Variants in NIM1K observed in about 807,000 individuals in gnomAD.
NIM1K encodes the protein serine/threonine-protein kinase NIM1.
In NIM1K, 35 loss-of-function variants were observed where a neutral mutation model predicts 37.1. The ratio of observed to expected loss-of-function variants is 0.94; its 90% CI spans 0.72 to 1.25. The LOEUF is 1.25. NIM1K is among the 50% of genes most tolerant of loss of function. The pLI, the probability that NIM1K is intolerant of heterozygous loss-of-function variation, is 0.00. For synonymous variants in NIM1K, 234 were observed against 206.6 expected, an observed-to-expected ratio of 1.13 and a Z score of -1.14; for missense variants, 564 against 548.0, an observed-to-expected ratio of 1.03 and a Z score of -0.29.
At chr5:43,266,616 G>A (rs1259702172) in intron 2 of NIM1K, among the ~76,000 whole-genome samples, 1 of 152,226 alleles carries the variant, frequency 6.6e-6, no homozygotes, top group African/African-American at 2.4e-5. Context: ...TTCGTGGGCT[G>A]CACCCACTGT....
intron 3 of NIM1K, 86 bp downstream of exon 3, chr5:43,277,411 C>A: frequency 7.1e-7 from 1 of 1,411,074 alleles, no homozygotes; most frequent in East Asian, 2.3e-5. Flanking sequence ...CCTCAAGTGT[C>A]CCAGAGGGCT....
chr5:43,233,248 G>A, intron 1 of NIM1K: 1 of 674,230 alleles, frequency 1.5e-6, no homozygotes, highest in South Asian at 2.0e-5. Context: ...GCGACTCTTA[G>A]GTGATTGATA....
At chr5:43,248,390 G>A in intron 2 of NIM1K, among the ~76,000 whole-genome samples, 1 of 152,114 alleles carries the variant, frequency 6.6e-6, no homozygotes, top group Non-Finnish European at 1.5e-5. Context: ...GCTTTTGGAA[G>A]GTTAACCATA....
At chr5:43,246,109 G>C in intron 2 of NIM1K, 42 bp downstream of exon 2, 1 of 1,552,574 alleles carries the variant, frequency 6.4e-7, no homozygotes, top group Non-Finnish European at 8.7e-7. Context: ...GCAGTATTGG[G>C]ACCTAGTGTA....
At chr5:43,275,951 AGAGCAGTG>A (rs1753333044) in intron 2 of NIM1K, among the ~76,000 whole-genome samples, 2 of 141,684 alleles carry the variant, frequency 1.4e-5, no homozygotes, top group Non-Finnish European at 3.0e-5. Flanking sequence ...CCTAGGCTGG[AGAGCAGTG>A]GTGCGATCTC....
chr5:43,236,783 G>A (rs557932764), intron 1 of NIM1K, among the ~76,000 whole-genome samples: 92 of 152,350 alleles, frequency 6.0e-4, no homozygotes, highest in Non-Finnish European at 1.0e-3. Flanking sequence ...GGTGTGAACT[G>A]GATGAGGGTA....
chr5:43,196,521 G>A (rs1751917530), intron 1 of NIM1K, among the ~76,000 whole-genome samples: 1 of 151,568 alleles, frequency 6.6e-6, no homozygotes, highest in South Asian at 2.1e-4. Context: ...TGTAGTCCCA[G>A]CTACTCGGGA....
intron 1 of NIM1K, among the ~76,000 whole-genome samples, chr5:43,234,444 C>A (rs1303865834): frequency 6.6e-6 from 1 of 152,054 alleles, no homozygotes; most frequent in African/African-American, 2.4e-5. Flanking sequence ...TCTCCATGTA[C>A]TCATCACCTA....
intron 2 of NIM1K, among the ~76,000 whole-genome samples, chr5:43,252,946 A>G (rs897002188): frequency 1.4e-5 from 2 of 144,082 alleles, no homozygotes; most frequent in East Asian, 2.0e-4. Flanking sequence ...TTATCTATTT[A>G]TCTATTAATT....
chr5:43,210,381 T>G (rs1193954191), intron 1 of NIM1K, among the ~76,000 whole-genome samples: 2 of 152,156 alleles, frequency 1.3e-5, no homozygotes, highest in African/African-American at 4.8e-5. Context: ...TCCATAAACA[T>G]ATATTGAGTA....
chr5:43,266,288 T>C (rs1186281847), intron 2 of NIM1K, among the ~76,000 whole-genome samples: 1 of 152,226 alleles, frequency 6.6e-6, no homozygotes, highest in Non-Finnish European at 1.5e-5. Context: ...GCTTCCCAGC[T>C]GCTTTGTTTA....
chr5:43,259,524 G>A (rs1752996556), intron 2 of NIM1K, among the ~76,000 whole-genome samples: 1 of 152,112 alleles, frequency 6.6e-6, no homozygotes, highest in Admixed American at 6.6e-5. Context: ...GGATTTTTGT[G>A]ATGATTAGTG....
intron 1 of NIM1K, among the ~76,000 whole-genome samples, chr5:43,233,395 A>G (rs1752571263): frequency 6.6e-6 from 1 of 152,148 alleles, no homozygotes; most frequent in Non-Finnish European, 1.5e-5. Context: ...TAAATATTTA[A>G]AAATTATCAG....
intron 1 of NIM1K, among the ~76,000 whole-genome samples, chr5:43,227,540 T>C (rs934628267): frequency 6.6e-6 from 1 of 152,152 alleles, no homozygotes; most frequent in Admixed American, 6.6e-5. Flanking sequence ...TGTTTCCCAC[T>C]CCTTTGCTAC....
intron 2 of NIM1K, among the ~76,000 whole-genome samples, chr5:43,265,734 G>C (rs1158878756): frequency 6.6e-6 from 1 of 152,156 alleles, no homozygotes; most frequent in Non-Finnish European, 1.5e-5. Context: ...TTTCTGCTCT[G>C]GTTTCTCCCC....
chr5:43,233,307 A>C, intron 1 of NIM1K: 1 of 314,586 alleles, frequency 3.2e-6, no homozygotes, highest in Non-Finnish European at 5.2e-6. Context: ...GGCAAGAGTG[A>C]CACTTAAAAA....
rs1281355308 is a variant in NIM1K at position 43,198,207 on chromosome 5, C to CTTTCTTTCTTTCTCTT, written c.-695+5797_-695+5798insTTCTTTCTTTCTCTTT. Among the ~76,000 whole-genome samples the CTTTCTTTCTTTCTCTT allele has an allele frequency of 7.8e-4, 38 of 48,854 alleles. 1 individual carries two copies. Among genetic ancestry groups the CTTTCTTTCTTTCTCTT allele is most frequent in the Non-Finnish European group, 1.1e-3 (26 of 24,518 alleles). 32.1% of individuals were successfully genotyped at this position (48,854 alleles called of 152,430 possible). The stretch of plus-strand genomic sequence containing the variant: ...TCTTTCTTTCTTTCTTTCTTTCTTT[C>CTTTCTTTCTTTCTCTT]TCTTTCTTTCTTTCTTTCTTTCTTT... On this transcript the variant is annotated intron_variant, in intron 1 of 3. Transcript: ENST00000326035.
chr5:43,218,731 T>C (rs1422702377), intron 1 of NIM1K, among the ~76,000 whole-genome samples: 1 of 151,344 alleles, frequency 6.6e-6, no homozygotes, highest in Non-Finnish European at 1.5e-5. Context: ...TTTCTTTTTT[T>C]TTTTTTTGTG....
chr5:43,215,685 G>A (rs1752289846), intron 1 of NIM1K, among the ~76,000 whole-genome samples: 1 of 152,074 alleles, frequency 6.6e-6, no homozygotes, highest in South Asian at 2.1e-4. Flanking sequence ...CTGCCCACCT[G>A]GGCCTCCCAA....
Sources: gnomAD v4.1 joint callset for allele counts (sites outside exome capture counted in the v4.1 genomes callset) on GRCh38, gnomAD v4.1.1 for gene constraint, MANE v1.5 for transcripts, NCBI Gene and HGNC (gene_info 2026-07-23, HGNC 2026-07-21) for gene names.